The following LINGO1 variants were observed in gnomAD, a reference collection of about 807,000 sequenced individuals.
LINGO1 encodes leucine-rich repeat and immunoglobulin-like domain-containing nogo receptor-interacting protein 1.
A neutral mutation model predicts 37.3 loss-of-function variants in LINGO1; 11 were observed. The observed-to-expected ratio is 0.29, with a 90% CI of 0.19 to 0.49. LINGO1 has a LOEUF of 0.49. Among genes scored for constraint, LINGO1 ranks in the 20% least tolerant of loss-of-function variants. The probability of loss-of-function intolerance (pLI) is 0.99; values close to 1 mark genes in which losing one functional copy is unlikely to be tolerated. For synonymous variants in LINGO1, 387 were observed against 403.0 expected, an observed-to-expected ratio of 0.96 and a Z score of 0.48; for missense variants, 585 against 878.2, an observed-to-expected ratio of 0.67 and a Z score of 4.22.
chr15:77,731,342 T>C (rs1391852367), intron 2 of LINGO1, among the ~76,000 whole-genome samples: 4 of 152,100 alleles, frequency 2.6e-5, no homozygotes, highest in Non-Finnish European at 5.9e-5. Context: ...CAAATGCACA[T>C]GCACACACAT....
chr15:77,803,673 G>T (rs1003571679), intron 1 of LINGO1, among the ~76,000 whole-genome samples: 1 of 151,942 alleles, frequency 6.6e-6, no homozygotes, highest in Non-Finnish European at 1.5e-5. Context: ...ACAGATCTGA[G>T]ATCTGGCCGT....
At chr15:77,802,864 T>A (rs1567592713) in intron 1 of LINGO1, among the ~76,000 whole-genome samples, 1 of 152,150 alleles carries the variant, frequency 6.6e-6, no homozygotes, top group Non-Finnish European at 1.5e-5. Context: ...CACCCTTCTA[T>A]GGCTCCCTAT....
chr15:77,775,121 C>T (rs1411233457), intron 1 of LINGO1, among the ~76,000 whole-genome samples: 7 of 152,150 alleles, frequency 4.6e-5, no homozygotes, highest in African/African-American at 1.2e-4. Flanking sequence ...GGCAGCACCT[C>T]GGGGCTAGAG....
At chr15:77,719,075 C>T (rs915519308) in intron 2 of LINGO1, among the ~76,000 whole-genome samples, 3 of 150,126 alleles carry the variant, frequency 2.0e-5, no homozygotes, top group Non-Finnish European at 4.5e-5. Context: ...CCAGGCAGGG[C>T]GGAGGGTCCA....
chr15:77,695,206 T>C (rs559928431), intron 1 of LINGO1, among the ~76,000 whole-genome samples: 1 of 152,112 alleles, frequency 6.6e-6, no homozygotes, highest in Admixed American at 6.5e-5. Flanking sequence ...ATTCCAAAGG[T>C]CCGGTGCTGT....
In LINGO1 at chr15:77,730,259, T is replaced by C. The variant is rs149691969; in HGVS notation, c.-195+4733A>G. On this transcript the variant is annotated intron_variant, in intron 2 of 3. Transcript: ENST00000561686. ...ACTACATGCCAAGTGTCATTCCTAG[T>C]GCAGTACCTGACTATGCCATTTATC... Among the ~76,000 whole-genome samples, 543 of 152,256 alleles carry C rather than the reference T, an allele frequency of 3.6e-3. 5 individuals are homozygous for C. The highest frequency in any genetic ancestry group is 0.012 in the African/African-American group (509 of 41,544).
At chr15:77,756,642 G>A (rs192633955) in intron 1 of LINGO1, among the ~76,000 whole-genome samples, 12 of 152,320 alleles carry the variant, frequency 7.9e-5, no homozygotes, top group Admixed American at 5.9e-4. Flanking sequence ...CCATTTTCCC[G>A]CATCTGGCGT....
chr15:77,783,280 A>C (rs1325850544), intron 1 of LINGO1, among the ~76,000 whole-genome samples: 4 of 152,190 alleles, frequency 2.6e-5, no homozygotes, highest in Admixed American at 6.5e-5. Context: ...AGCAGTGTGC[A>C]TAACGTTCTA....
rs116322430 is a variant in LINGO1 at position 77,816,009 on chromosome 15, C to T, written c.-458+4249G>A. ...CATCTTCCTAGAAAGCCCCCACTCA[C>T]GTTCGCATTCTCCATTCACTCATTT... On this transcript the variant is annotated intron_variant, in intron 1 of 5. Transcript: ENST00000562933. Among the ~76,000 whole-genome samples the T allele has an allele frequency of 9.7e-3, 1,473 of 152,292 alleles. 23 individuals are homozygous for T. Among genetic ancestry groups the T allele is most frequent in the African/African-American group, 0.034 (1,400 of 41,554 alleles).
rs376166106 is a variant in LINGO1 at position 77,818,616 on chromosome 15, CG to C, written c.-458+1641del. ...CCACCGTCCTGAGGAGCAGAAGGCG[CG>C]GGGACACACACATACACGCCCGGGC... On this transcript the variant is annotated intron_variant, in intron 1 of 5. Transcript: ENST00000562933. Among the ~76,000 whole-genome samples, 78 of 152,240 alleles carry C rather than the reference CG, an allele frequency of 5.1e-4. No individual in the cohort carries two copies. The East Asian group carries it at 0.013, about 26-fold the overall frequency.
At chr15:77,649,968 C>T (rs1485536746) in intron 3 of LINGO1, among the ~76,000 whole-genome samples, 1 of 152,244 alleles carries the variant, frequency 6.6e-6, no homozygotes, top group Non-Finnish European at 1.5e-5. Flanking sequence ...CACCCAGCCA[C>T]TGGGTAACAA....
At chr15:77,627,326 G>T (rs1284401129) in intron 1 of LINGO1, among the ~76,000 whole-genome samples, 1 of 152,112 alleles carries the variant, frequency 6.6e-6, no homozygotes, top group African/African-American at 2.4e-5. Flanking sequence ...GGTGTACCAG[G>T]CTGGCAAAGG....
chr15:77,642,982 T>C (rs2074543407), intron 3 of LINGO1, among the ~76,000 whole-genome samples: 1 of 152,146 alleles, frequency 6.6e-6, no homozygotes, highest in African/African-American at 2.4e-5. Context: ...GAGCCTGGGC[T>C]TGGTGCCTCT....
At chr15:77,681,009 G>A (rs900020144) in intron 2 of LINGO1, among the ~76,000 whole-genome samples, 10 of 152,052 alleles carry the variant, frequency 6.6e-5, no homozygotes, top group African/African-American at 1.4e-4. Flanking sequence ...GTTGATAAAC[G>A]CCCCTGCGAC....
At chr15:77,793,499 C>A (rs551119125) in intron 2 of LINGO1, among the ~76,000 whole-genome samples, 22 of 152,334 alleles carry the variant, frequency 1.4e-4, no homozygotes, top group Admixed American at 9.8e-4. Flanking sequence ...CAGACACACT[C>A]CAAACTCCCC....
chr15:77,787,376 C>G (rs1176285969), upstream of LINGO1: 1 of 152,252 alleles, frequency 6.6e-6, no homozygotes, highest in Non-Finnish European at 1.5e-5. Context: ...CCCAGGATAG[C>G]TGAGTGTTAG....
At chr15:77,800,415 A>G (rs2076908689) in intron 1 of LINGO1, among the ~76,000 whole-genome samples, 1 of 152,216 alleles carries the variant, frequency 6.6e-6, no homozygotes. Flanking sequence ...ACAGAGCAGC[A>G]GTGACCCCAA....
At chr15:77,738,756 GA>G (rs763790439) in intron 1 of LINGO1, among the ~76,000 whole-genome samples, 4,867 of 120,112 alleles carry the variant, frequency 0.041, 137 homozygotes, top group African/African-American at 0.052. Flanking sequence ...CTGAAGGAAG[GA>G]AGGAAGGAAG....
At chr15:77,743,007 G>C (rs1357754123) in intron 1 of LINGO1, among the ~76,000 whole-genome samples, 1 of 152,228 alleles carries the variant, frequency 6.6e-6, no homozygotes. Context: ...GGGTGCACAG[G>C]GCCCCCAGCC....
Sources: allele counts gnomAD v4.1 joint callset (sites outside exome capture counted in the v4.1 genomes callset), GRCh38; gene constraint gnomAD v4.1.1; transcripts MANE v1.5; gene names NCBI Gene and HGNC (gene_info 2026-07-23, HGNC 2026-07-21).